The following LOC128092252 variants were observed in gnomAD, a reference collection of about 807,000 sequenced individuals.
At chr15:50,668,941 G>A in the LOC128092252 span, among the ~76,000 whole-genome samples, 20,983 of 152,168 alleles carry the variant, frequency 0.14, 1,479 homozygotes, top group Middle Eastern at 0.2. Context: ...AACTTGACTT[G>A]TAGAGCCAAT....
At chr15:50,652,897 C>T in the LOC128092252 span, among the ~76,000 whole-genome samples, 1 of 152,130 alleles carries the variant, frequency 6.6e-6, no homozygotes, top group East Asian at 1.9e-4. Flanking sequence ...CACACTGGCT[C>T]GTGCCTGTAA....
At chr15:50,657,571 TCAACAGACA>T in the LOC128092252 span, among the ~76,000 whole-genome samples, 13 of 152,224 alleles carry the variant, frequency 8.5e-5, no homozygotes, top group East Asian at 2.5e-3. Flanking sequence ...CAACTTCTGC[TCAACAGACA>T]CAACTTTACA....
At chr15:50,658,463 G>C in the LOC128092252 span, among the ~76,000 whole-genome samples, 1 of 151,878 alleles carries the variant, frequency 6.6e-6, no homozygotes, top group Non-Finnish European at 1.5e-5. Flanking sequence ...CTAGCTACTA[G>C]GGAGGCTGAG....
chr15:50,657,769 T>C, the LOC128092252 span: 13 of 1,611,034 alleles, frequency 8.1e-6, no homozygotes, highest in African/African-American at 5.3e-5. Flanking sequence ...GGTATAGTTA[T>C]GTTAAACTTA....
the LOC128092252 span, chr15:50,663,133 CT>C: frequency 0.1 from 73,876 of 730,842 alleles, 101 homozygotes; most frequent in South Asian, 0.14. Flanking sequence ...ATAAACAGTT[CT>C]TTTTTTTTTT....
chr15:50,659,886 T>C, the LOC128092252 span, among the ~76,000 whole-genome samples: 6 of 152,188 alleles, frequency 3.9e-5, no homozygotes, highest in Admixed American at 3.3e-4. Context: ...CAGGCTGGTC[T>C]CGAACTCCTG....
At chr15:50,663,065 A>G in the LOC128092252 span, 1 of 1,584,834 alleles carries the variant, frequency 6.3e-7, no homozygotes, top group Non-Finnish European at 8.7e-7. Flanking sequence ...AAATGTTTTA[A>G]AGAATTGTTT....
At chr15:50,649,098 T>A in the LOC128092252 span, among the ~76,000 whole-genome samples, 16 of 152,190 alleles carry the variant, frequency 1.1e-4, no homozygotes, top group African/African-American at 3.6e-4. Flanking sequence ...GAATTCATCA[T>A]CTAAATTTAA....
chr15:50,666,588 G>C, the LOC128092252 span, among the ~76,000 whole-genome samples: 1 of 152,194 alleles, frequency 6.6e-6, no homozygotes, highest in Non-Finnish European at 1.5e-5. Flanking sequence ...CAGATCACCT[G>C]ACGTTGGGAG....
At chr15:50,666,286 A>T in the LOC128092252 span, among the ~76,000 whole-genome samples, 1 of 151,168 alleles carries the variant, frequency 6.6e-6, no homozygotes, top group East Asian at 2.0e-4. Context: ...AAAATACAAA[A>T]AATTAGCCAA....
the LOC128092252 span, among the ~76,000 whole-genome samples, chr15:50,659,675 C>CT: frequency 0.35 from 51,687 of 148,888 alleles, 9,973 homozygotes; most frequent in Admixed American, 0.48. Context: ...TCTATTTTTT[C>CT]TTTTTTTTTT....
chr15:50,667,794 A>G, the LOC128092252 span, among the ~76,000 whole-genome samples: 3 of 152,234 alleles, frequency 2.0e-5, no homozygotes, highest in African/African-American at 7.2e-5. Context: ...TGGGTTTCAC[A>G]TATCAATAAT....
At chr15:50,655,388 G>A in the LOC128092252 span, among the ~76,000 whole-genome samples, 8 of 144,450 alleles carry the variant, frequency 5.5e-5, no homozygotes, top group Admixed American at 1.5e-4. Context: ...AGCCAAGATC[G>A]CACCACTGCA....
At chr15:50,657,670 T>A in the LOC128092252 span, 1 of 945,420 alleles carries the variant, frequency 1.1e-6, no homozygotes, top group Non-Finnish European at 1.6e-6. Context: ...AAAGTACCCA[T>A]CAAATATAAT....
chr15:50,679,501 G>A, the LOC128092252 span, among the ~76,000 whole-genome samples: 2 of 84,626 alleles, frequency 2.4e-5, no homozygotes, highest in Non-Finnish European at 2.3e-5. Context: ...ATATATATGT[G>A]TATATATATA....
chr15:50,649,016 C>G, the LOC128092252 span: 2 of 590,418 alleles, frequency 3.4e-6, no homozygotes, highest in African/African-American at 3.8e-5. Flanking sequence ...TAAAAATAAG[C>G]TTTTTGATTT....
chr15:50,686,383 CGA>C, the LOC128092252 span: 4 of 1,357,754 alleles, frequency 2.9e-6, no homozygotes, highest in Non-Finnish European at 4.2e-6. Context: ...ACACCCGTCC[CGA>C]GAGGACAAAT....
At chr15:50,679,735 A>G in the LOC128092252 span, among the ~76,000 whole-genome samples, 4 of 150,876 alleles carry the variant, frequency 2.7e-5, no homozygotes, top group South Asian at 2.1e-4. Context: ...GGGGTTATCT[A>G]CGTTGGCCAG....
chr15:50,678,246 A>AAAAAAAC, the LOC128092252 span, among the ~76,000 whole-genome samples: 4 of 142,504 alleles, frequency 2.8e-5, no homozygotes, highest in African/African-American at 1.0e-4. Context: ...TCTCAAAAAA[A>AAAAAAAC]AAAAACAAAA....
Sources: allele counts gnomAD v4.1 joint callset (sites outside exome capture counted in the v4.1 genomes callset), GRCh38; gene constraint gnomAD v4.1.1; transcripts MANE v1.5.